RYR3: variants seen among roughly 807,000 people sequenced by gnomAD.
RYR3 encodes the protein ryanodine receptor 3, also known as brain ryanodine receptor-calcium release channel.
RYR3 carries 207 observed loss-of-function variants against 584.3 expected under a neutral mutation model. The ratio of observed to expected loss-of-function variants is 0.35; its 90% CI spans 0.32 to 0.40. The LOEUF (loss-of-function observed/expected upper bound fraction) is 0.40. RYR3 is among the 10% of genes least tolerant of loss of function. RYR3 has a pLI of 1.00. For missense variants in RYR3, 5,616 were observed against 6,089.2 expected (o/e 0.92, Z 2.59); for synonymous variants, 2,416 against 2,248.5 (o/e 1.07, Z -2.11).
rs75865090 is a variant in RYR3, at chr15:33,546,379, G to C, written c.741-1751G>C. ...AGCAGGTTGGTGCAGTATCATTTCC[G>C]TTCTAGGCCTGGTACAGAGACACCT... On this transcript the variant is annotated intron_variant, in intron 8 of 103. Transcript: ENST00000634891. Among the ~76,000 whole-genome samples, 3 of 152,114 alleles carry C rather than the reference G, an allele frequency of 2.0e-5. No individual in the cohort carries two copies. The East Asian group carries it at 5.8e-4, about 29-fold the overall frequency.
At chr15:33,835,636 GGTATTTGAGGCTGATTAGA>G (rs2077993800) in intron 87 of RYR3, among the ~76,000 whole-genome samples, 1 of 152,168 alleles carries the variant, frequency 6.6e-6, no homozygotes, top group African/African-American at 2.4e-5. Context: ...ACCTTCAGGA[GGTATTTGAGGCTGATTAGA>G]GTAACATTTG....
At chr15:33,862,421 G>A (rs1888623485) in intron 102 of RYR3, among the ~76,000 whole-genome samples, 2 of 151,726 alleles carry the variant, frequency 1.3e-5, no homozygotes, top group Admixed American at 6.6e-5. Context: ...TGCCCAGGCT[G>A]ATCTCGAACT....
At chr15:33,600,980 C>G (rs1033770201) in intron 16 of RYR3, among the ~76,000 whole-genome samples, 87 of 152,262 alleles carry the variant, frequency 5.7e-4, no homozygotes, top group African/African-American at 2.1e-3. Context: ...CACAGAGGGT[C>G]TTTTATCCTT....
intron 3 of RYR3, among the ~76,000 whole-genome samples, chr15:33,517,195 G>A (rs764459587): frequency 5.3e-5 from 8 of 152,116 alleles, no homozygotes; most frequent in Admixed American, 6.5e-5. Flanking sequence ...AGGTTTCACC[G>A]TGTTGGCCAG....
chr15:33,825,577 C>T (rs747443075), intron 81 of RYR3, 26 bp from the exon 82 acceptor site: 3 of 1,544,696 alleles, frequency 1.9e-6, no homozygotes, highest in Non-Finnish European at 2.7e-6. Context: ...TAGCCCTGAA[C>T]CTTGTTTCTT....
At chr15:33,378,838 G>A (rs1285865310) in intron 1 of RYR3, among the ~76,000 whole-genome samples, 2 of 152,126 alleles carry the variant, frequency 1.3e-5, no homozygotes, top group African/African-American at 2.4e-5. Flanking sequence ...AGCTGTGTGT[G>A]CCTGTAGTCC....
chr15:33,588,089 C>T (rs867526731), intron 16 of RYR3, among the ~76,000 whole-genome samples: 1 of 152,182 alleles, frequency 6.6e-6, no homozygotes, highest in South Asian at 2.1e-4. Context: ...GTAATGATAA[C>T]CAGCATTTAT....
In RYR3 at chr15:33,484,059, T is replaced by G. The variant is rs554925830; in HGVS notation, c.171+10521T>G. 1.1e-4 allele frequency among the ~76,000 whole-genome samples: 17 copies of G among 152,320 alleles called. No individual in the cohort carries two copies. The East Asian group carries it at 2.5e-3, about 22-fold the overall frequency. On this transcript the variant is annotated intron_variant, in intron 2 of 103. Coordinates refer to ENST00000634891, the MANE Select transcript of RYR3 (RefSeq NM_001036.6). ...TTTATTTAAATATTTATCCAGAATG[T>G]ATCATTGTTATTGGCAAGAGGATTA...
intron 12 of RYR3, among the ~76,000 whole-genome samples, chr15:33,573,605 C>G (rs1294729295): frequency 6.6e-6 from 1 of 152,160 alleles, no homozygotes; most frequent in Non-Finnish European, 1.5e-5. Context: ...AGAGAGACAA[C>G]AAATAAATCA....
At chr15:33,502,427 C>T (rs530561132) in intron 2 of RYR3, among the ~76,000 whole-genome samples, 19 of 152,246 alleles carry the variant, frequency 1.2e-4, no homozygotes, top group Admixed American at 9.2e-4. Context: ...GCATGGCTGT[C>T]GGTAGTTTCT....
At chr15:33,378,520 A>G (rs778430549) in intron 1 of RYR3, among the ~76,000 whole-genome samples, 4 of 152,364 alleles carry the variant, frequency 2.6e-5, no homozygotes, top group East Asian at 1.9e-4. Context: ...GCTGTTTGCA[A>G]TGACGGCCAA....
In RYR3 at chr15:33,865,394, T is replaced by TGCCTAATGGACATACACTGTG; in HGVS notation, c.*170_*190dup. 1.7e-6 allele frequency: 1 copy of TGCCTAATGGACATACACTGTG among 595,860 alleles called. No individual in the cohort carries two copies. The highest frequency in any genetic ancestry group is 3.0e-6 in the Non-Finnish European group (1 of 336,620). 36.9% of individuals were successfully genotyped at this position (595,860 alleles called of 1,614,324 possible). A position where few individuals can be genotyped will look rare whatever the true frequency, so the allele number is the denominator to read the frequency against. On this transcript the variant is annotated 3_prime_UTR_variant, in exon 104 of 104. Transcript: ENST00000634891. ...ATTTTGAAATTGATTTGGCTTTTTG[T>TGCCTAATGGACATACACTGTG]GCCTAATGGACATACACTGTGGGAG...
intron 1 of RYR3, among the ~76,000 whole-genome samples, chr15:33,424,065 A>G (rs1225040409): frequency 6.6e-6 from 1 of 152,150 alleles, no homozygotes; most frequent in East Asian, 1.9e-4. Context: ...AGTGGCTTGC[A>G]AACTGTTCCC....
At position 33,854,822 on chromosome 15, in the gene RYR3, C is replaced by T. The variant is rs182044746; in HGVS notation, c.13917C>T (p.Asn4639=). ...TTMSVLGHYN[N]FFFAAHLLDI... ...TGTCAGTCCTGGGCCACTACAATAA[C>T]TTCTTCTTTGCTGCTCACCTATTGG... Residue 4639 remains asparagine, a synonymous_variant, in exon 98 of 104, where the codon AAC becomes AAT. Transcript: ENST00000634891. 3.1e-6 allele frequency: 5 copies of T among 1,613,898 alleles called. No individual in the cohort carries two copies. The highest frequency in any genetic ancestry group is 3.3e-5 in the Admixed American group (2 of 60,020).
At chr15:33,832,653 T>A in intron 86 of RYR3, among the ~76,000 whole-genome samples, 1 of 105,960 alleles carries the variant, frequency 9.4e-6, no homozygotes, top group Non-Finnish European at 2.1e-5. Context: ...CGAGACTCTG[T>A]CTCAAAAAAA....
At chr15:33,717,816 G>A (rs1229777618) in intron 43 of RYR3, among the ~76,000 whole-genome samples, 1 of 152,188 alleles carries the variant, frequency 6.6e-6, no homozygotes, top group African/African-American at 2.4e-5. Flanking sequence ...CTTGTCTGCT[G>A]TCTCTAGGTC....
At position 33,825,738 on chromosome 15, in the gene RYR3, TTTTTTTTTC is replaced by T. The variant is rs1375183469; in HGVS notation, c.11146+63_11146+71del. ...TGATTAAAATCTTTTTTTTTTTTTT[TTTTTTTTTC>T]CCCATACAGAGTTTCGCTCTTGTTG... On this transcript the variant is annotated intron_variant, in intron 82 of 103. Transcript: ENST00000634891. The T allele has an allele frequency of 2.6e-4, 204 of 782,208 alleles. 2 individuals are homozygous for T. Among genetic ancestry groups the T allele is most frequent in the South Asian group, 7.4e-4 (46 of 62,486 alleles). 48.5% of individuals were successfully genotyped at this position (782,208 alleles called of 1,614,324 possible).
intron 3 of RYR3, among the ~76,000 whole-genome samples, chr15:33,509,962 A>G (rs563952354): frequency 5.9e-5 from 9 of 152,224 alleles, no homozygotes; most frequent in Non-Finnish European, 1.2e-4. Flanking sequence ...GAAAAATAAC[A>G]TTCTGGTTTC....
At chr15:33,528,283 C>T (rs1366727894) in intron 3 of RYR3, among the ~76,000 whole-genome samples, 1 of 152,148 alleles carries the variant, frequency 6.6e-6, no homozygotes, top group Non-Finnish European at 1.5e-5. Flanking sequence ...CATCCTGTGT[C>T]ATGTCCTTTT....
Sources: allele counts gnomAD v4.1 joint callset (sites outside exome capture counted in the v4.1 genomes callset), GRCh38; gene constraint gnomAD v4.1.1; transcripts MANE v1.5; gene names NCBI Gene and HGNC (gene_info 2026-07-23, HGNC 2026-07-21).